The following CHIC1 variants were observed in gnomAD, a reference collection of about 807,000 sequenced individuals.
CHIC1 encodes cysteine-rich hydrophobic domain-containing protein 1.
In CHIC1, 7 loss-of-function variants were observed where a neutral mutation model predicts 18.5. That is an observed-to-expected ratio of 0.38 (90% confidence interval 0.22 to 0.71). The LOEUF (loss-of-function observed/expected upper bound fraction) is 0.71. CHIC1 is among the 30% of genes least tolerant of loss of function. The pLI is 0.49. For missense variants in CHIC1, 159 were observed against 176.9 expected, an observed-to-expected ratio of 0.90 and a Z score of 0.57; for synonymous variants, 77 against 73.5, an observed-to-expected ratio of 1.05 and a Z score of -0.25.
At chrX:73,589,189 A>G (rs781574603) in intron 3 of CHIC1, among the ~76,000 whole-genome samples, 1 of 110,488 alleles carries the variant, frequency 9.1e-6, no homozygotes, top group Non-Finnish European at 1.9e-5. Context: ...TCTTTGAAAC[A>G]TTGCTTACTC....
Position 73,584,278 on chromosome X carries a change from C to T in CHIC1, c.352-139C>T, listed in dbSNP as rs556378246. On this transcript the variant is annotated intron_variant, in intron 2 of 5. Transcript: ENST00000373502. ...TGCTTTTCAACGTCATCCTAGAGTG[C>T]GTGAACATATTTATGGGGAATATAT... The T allele has an allele frequency of 9.8e-5, 47 of 481,583 alleles. No homozygotes were observed. The South Asian group carries it at 1.8e-3, about 18-fold the overall frequency. 39.7% of individuals were successfully genotyped at this position (481,583 alleles called of 1,213,427 possible).
At chrX:73,665,412 C>T (rs373715156) in intron 3 of CHIC1, among the ~76,000 whole-genome samples, 1 of 111,508 alleles carries the variant, frequency 9.0e-6, no homozygotes, top group East Asian at 2.8e-4. Context: ...AGCTCTACAT[C>T]TACCATACCT....
intron 3 of CHIC1, among the ~76,000 whole-genome samples, chrX:73,601,884 C>T (rs1292641615): frequency 9.5e-6 from 1 of 105,322 alleles, no homozygotes; most frequent in African/African-American, 3.7e-5. Flanking sequence ...AGGGATATCA[C>T]CACTGATCCC....
intron 1 of CHIC1, among the ~76,000 whole-genome samples, chrX:73,573,756 C>T (rs1236851098): frequency 9.0e-6 from 1 of 111,082 alleles, no homozygotes; most frequent in Non-Finnish European, 1.9e-5. Context: ...AGAAATTCTA[C>T]TGACTTTTTA....
chrX:73,576,053 C>A (rs753303928), intron 1 of CHIC1, among the ~76,000 whole-genome samples: 1 of 108,978 alleles, frequency 9.2e-6, no homozygotes, highest in Non-Finnish European at 1.9e-5. Context: ...GGGTCATGAT[C>A]ATCAATATCA....
rs1296193686 is a variant in CHIC1 at position 73,684,023 on chromosome X, CA to C, written c.*3019del. On this transcript the variant is annotated 3_prime_UTR_variant, in exon 6 of 6. Coordinates refer to ENST00000373502, the MANE Select transcript of CHIC1 (RefSeq NM_001039840.4). ...AGATAACACATTACGTGTAAGGAAG[CA>C]TAATAAATGAATTGGTAGATGATTA... 1 of 111,784 alleles carries C rather than the reference CA, an allele frequency of 8.9e-6. No individual in the cohort carries two copies. Among genetic ancestry groups the C allele is most frequent in the East Asian group, 2.8e-4 (1 of 3,570 alleles). The allele number at this position is 111,784 out of a possible 1,213,427, so 9.2% of individuals were successfully genotyped here. A position where few individuals can be genotyped will look rare whatever the true frequency, so the allele number is the denominator to read the frequency against.
chrX:73,648,810 C>A (rs1159091542), intron 3 of CHIC1, among the ~76,000 whole-genome samples: 2 of 111,251 alleles, frequency 1.8e-5, no homozygotes, highest in African/African-American at 6.5e-5. Flanking sequence ...AATTCCCTAA[C>A]CTAGTAAGAA....
chrX:73,583,815 G>A (rs1054563432), intron 2 of CHIC1, among the ~76,000 whole-genome samples: 1 of 111,365 alleles, frequency 9.0e-6, no homozygotes, highest in Non-Finnish European at 1.9e-5. Context: ...GTTTACCGCA[G>A]TTATGAATCC....
intron 3 of CHIC1, among the ~76,000 whole-genome samples, chrX:73,661,822 C>T (rs1040793667): frequency 9.0e-6 from 1 of 110,995 alleles, no homozygotes; most frequent in Non-Finnish European, 1.9e-5. Flanking sequence ...GGGAATTATG[C>T]GGTCTCCACC....
At chrX:73,646,808 A>G (rs1299458820) in intron 3 of CHIC1, among the ~76,000 whole-genome samples, 3 of 111,897 alleles carry the variant, frequency 2.7e-5, no homozygotes, top group African/African-American at 9.8e-5. Flanking sequence ...GTTAGCTTTT[A>G]TTTCTTTGTT....
intron 2 of CHIC1, 61 bp downstream of exon 2, chrX:73,577,522 T>C: frequency 1.2e-6 from 1 of 853,671 alleles, no homozygotes; most frequent in Non-Finnish European, 1.7e-6. Flanking sequence ...GCTTACTCAT[T>C]GTTATGACAA....
chrX:73,609,148 C>G (rs1294298493), intron 3 of CHIC1, among the ~76,000 whole-genome samples: 2 of 89,329 alleles, frequency 2.2e-5, no homozygotes, highest in African/African-American at 1.2e-4. Flanking sequence ...GAGTGAGACA[C>G]CATCTCTAAA....
At chrX:73,585,856 T>G (rs1366216169) in intron 3 of CHIC1, among the ~76,000 whole-genome samples, 1 of 111,180 alleles carries the variant, frequency 9.0e-6, no homozygotes, top group African/African-American at 3.3e-5. Context: ...ATCAATACTT[T>G]GAATAGAATA....
intron 1 of CHIC1, among the ~76,000 whole-genome samples, chrX:73,569,810 T>G (rs894671372): frequency 9.0e-6 from 1 of 111,695 alleles, no homozygotes; most frequent in Non-Finnish European, 1.9e-5. Context: ...AGATTGCTGC[T>G]GCCTATTAGC....
chrX:73,645,222 G>A (rs1254716855), intron 3 of CHIC1, among the ~76,000 whole-genome samples: 2 of 112,141 alleles, frequency 1.8e-5, no homozygotes, highest in Non-Finnish European at 3.8e-5. Context: ...GGCTATCTAT[G>A]TTGTCAAAAA....
intron 3 of CHIC1, among the ~76,000 whole-genome samples, chrX:73,647,237 G>A (rs2057893788): frequency 8.9e-6 from 1 of 111,939 alleles, no homozygotes; most frequent in Non-Finnish European, 1.9e-5. Context: ...TCTAACATCA[G>A]AGCCATGCAG....
intron 3 of CHIC1, among the ~76,000 whole-genome samples, chrX:73,663,466 A>C: frequency 9.1e-6 from 1 of 110,421 alleles, no homozygotes; most frequent in African/African-American, 3.3e-5. Flanking sequence ...ATTAACAGGG[A>C]TGAGCATGAT....
In CHIC1 at chrX:73,634,762, A is replaced by T. The variant is rs1047973403; in HGVS notation, c.508-44564A>T. Reference sequence around the variant, plus strand: ...CCCTCAGTATTCAAGGTGCAGAGAGATAGATATGGCCTCCTGGGCCATATC... The same window carrying T: ...CCCTCAGTATTCAAGGTGCAGAGAGTTAGATATGGCCTCCTGGGCCATATC... On this transcript the variant is annotated intron_variant, in intron 3 of 5. Coordinates refer to ENST00000373502, the MANE Select transcript of CHIC1 (RefSeq NM_001039840.4). 4.5e-5 allele frequency among the ~76,000 whole-genome samples: 5 copies of T among 111,668 alleles called. No homozygotes were observed. In the Admixed American group the frequency reaches 4.7e-4, roughly 11 times the overall value.
chrX:73,599,653 C>T (rs1225942818), intron 3 of CHIC1, among the ~76,000 whole-genome samples: 14 of 101,659 alleles, frequency 1.4e-4, no homozygotes, highest in East Asian at 6.2e-4. Flanking sequence ...AGATATGCGG[C>T]GTTATTTCTG....
Sources: allele counts gnomAD v4.1 joint callset (sites outside exome capture counted in the v4.1 genomes callset), GRCh38; gene constraint gnomAD v4.1.1; transcripts MANE v1.5; gene names NCBI Gene and HGNC (gene_info 2026-07-23, HGNC 2026-07-21).